Variants in F8 observed in about 807,000 individuals in gnomAD.
F8 encodes the protein coagulation factor VIII, also known as antihemophilic factor.
A neutral mutation model predicts 140.6 loss-of-function variants in F8; 12 were observed. The observed-to-expected ratio is 0.09, with a 90% CI of 0.05 to 0.14. The LOEUF (loss-of-function observed/expected upper bound fraction) is 0.14. Ranked by LOEUF, F8 falls within the 10% of genes least tolerant of loss-of-function variation. The pLI is 1.00. For synonymous variants in F8, 585 were observed against 614.6 expected (o/e 0.95, Z 0.71); for missense variants, 1,354 against 1,720.7 (o/e 0.79, Z 3.77).
At chrX:154,892,683 G>T (rs2072951937) in intron 22 of F8, among the ~76,000 whole-genome samples, 1 of 112,020 alleles carries the variant, frequency 8.9e-6, no homozygotes, top group Non-Finnish European at 1.9e-5. Context: ...TGGAAATTAG[G>T]ATAATTTGTG....
chrX:154,949,819 G>A (rs2073327433), intron 12 of F8, among the ~76,000 whole-genome samples: 1 of 108,606 alleles, frequency 9.2e-6, no homozygotes, highest in Non-Finnish European at 1.9e-5. Context: ...CCAGTCTGGA[G>A]TGCAGTGGCG....
chrX:154,851,875 T>G (rs782002762), intron 25 of F8, among the ~76,000 whole-genome samples: 1 of 111,829 alleles, frequency 8.9e-6, no homozygotes, highest in South Asian at 3.7e-4. Flanking sequence ...ACTTTCTTGA[T>G]AGTGTTCTTT....
At chrX:154,918,858 T>C (rs1285587249) in intron 14 of F8, 4 of 106,216 alleles carry the variant, frequency 3.8e-5, no homozygotes, top group African/African-American at 1.4e-4. Flanking sequence ...CAGGATATTT[T>C]TGGCCTCAGG....
chrX:154,850,608 T>C (rs1221778707), intron 25 of F8, among the ~76,000 whole-genome samples: 1 of 109,250 alleles, frequency 9.2e-6, no homozygotes, highest in Non-Finnish European at 1.9e-5. Flanking sequence ...TGGCTAAGGG[T>C]TGGTTTCTTG....
In F8 at chrX:154,837,768, T is replaced by C. The variant is rs1557271070; in HGVS notation, c.6901-16A>G. 4.1e-6 allele frequency: 5 copies of C among 1,206,777 alleles called. No individual in the cohort carries two copies. Among genetic ancestry groups the C allele is most frequent in the Non-Finnish European group, 4.5e-6 (4 of 890,974 alleles). On this transcript the variant is annotated splice_polypyrimidine_tract_variant and intron_variant, in intron 25 of 25. Coordinates refer to ENST00000360256, the MANE Select transcript of F8 (RefSeq NM_000132.4). ...CCTGAAAAACCTGAAAGAGGAAAGA[T>C]AGCATTTATTGGTTGTCTGACAGGA...
Position 154,837,459 on chromosome X carries a change from T to G in F8, c.*138A>C. ...CCCCACCAAAGAAATGCAGGACTGA[T>G]GATAGTTAATTCAGGAGGCTTCAAG... On this transcript the variant is annotated 3_prime_UTR_variant, in exon 26 of 26. Coordinates refer to ENST00000360256, the MANE Select transcript of F8 (RefSeq NM_000132.4). 1.5e-6 allele frequency: 1 copy of G among 688,173 alleles called. No individual in the cohort carries two copies. The highest frequency in any genetic ancestry group is 2.2e-6 in the Non-Finnish European group (1 of 453,463). 56.7% of individuals were successfully genotyped at this position (688,173 alleles called of 1,213,427 possible). A position where few individuals can be genotyped will look rare whatever the true frequency, so the allele number is the denominator to read the frequency against.
At chrX:154,852,782 G>T (rs1260864312) in intron 25 of F8, among the ~76,000 whole-genome samples, 2 of 111,324 alleles carry the variant, frequency 1.8e-5, no homozygotes, top group Non-Finnish European at 3.8e-5. Context: ...TTTGAGGCCG[G>T]AGAATCGCTT....
intron 6 of F8, among the ~76,000 whole-genome samples, chrX:154,977,790 T>C (rs181369890): frequency 5.5e-4 from 61 of 110,884 alleles, no homozygotes; most frequent in Admixed American, 5.2e-3. Flanking sequence ...TTTATCTAGA[T>C]GTCTAAATCT....
Position 154,929,553 on chromosome X carries a change from A to T in F8, c.4237T>A (p.Ser1413Thr). The change falls in exon 14 of 26, where the codon TCA (serine) becomes ACA (threonine). Residue 1413 changes from serine to threonine, a missense_variant. By Grantham distance (58) the Ser-to-Thr change is moderately conservative (BLOSUM62 1). Around this residue, in one of 4 missense-constraint regions of F8, gnomAD observed 658 missense variants for 666.5 expected, o/e 0.99. Coordinates refer to ENST00000360256, the MANE Select transcript of F8 (RefSeq NM_000132.4). ...NRSPLPIAKV[S>T]SFPSIRPIYL... The stretch of plus-strand genomic sequence containing the variant: ...ATAGGTCTAATAGATGGAAATGATG[A>T]TACCTTTGCAATGGGTAATGGAGAT... 1 of 1,210,866 alleles carries T rather than the reference A, an allele frequency of 8.3e-7. No homozygotes were observed. Among genetic ancestry groups the T allele is most frequent in the African/African-American group, 1.7e-5 (1 of 57,734 alleles).
At chrX:154,906,270 A>G (rs2073037638) in intron 15 of F8, 150 bp downstream of exon 15, 1 of 483,497 alleles carries the variant, frequency 2.1e-6, no homozygotes, top group Non-Finnish European at 3.2e-6. Context: ...AAGGAGAAAA[A>G]TACATAGGAA....
chrX:154,858,214 T>C (rs1488915750), intron 25 of F8, among the ~76,000 whole-genome samples: 2 of 112,290 alleles, frequency 1.8e-5, no homozygotes, highest in Non-Finnish European at 3.8e-5. Flanking sequence ...TGTCACTGCC[T>C]GATGGGCTCA....
chrX:154,874,572 T>C (rs1250287240), intron 22 of F8, among the ~76,000 whole-genome samples: 2 of 112,290 alleles, frequency 1.8e-5, no homozygotes, highest in Non-Finnish European at 3.8e-5. Flanking sequence ...GGAGTCCTCA[T>C]AACCTAAACA....
chrX:155,017,657 T>G (rs1336474307), intron 1 of F8, among the ~76,000 whole-genome samples: 1 of 111,551 alleles, frequency 9.0e-6, no homozygotes, highest in Non-Finnish European at 1.9e-5. Flanking sequence ...ATTTGTCAAT[T>G]ATACCACAAT....
rs2072880379 is a variant in F8 at position 154,885,491 on chromosome X, T to TC, written c.6429+10585dup. 3.0e-5 allele frequency: 9 copies of TC among 298,222 alleles called. 1 individual carries two copies. Among genetic ancestry groups the TC allele is most frequent in the Non-Finnish European group, 4.8e-5 (9 of 185,654 alleles). The allele number at this position is 298,222 out of a possible 1,213,427, so 24.6% of individuals were successfully genotyped here. ...CCTGAACCCCCGGCCTTAAACACCC[T>TC]CCCCCCACAACCCAGGCCCCAAAGT... On this transcript the variant is annotated intron_variant, in intron 22 of 25. Transcript: ENST00000360256.
At chrX:154,919,382 T>C (rs1557277373) in intron 14 of F8, among the ~76,000 whole-genome samples, 3 of 112,270 alleles carry the variant, frequency 2.7e-5, no homozygotes, top group Non-Finnish European at 5.6e-5. Context: ...TTTATGCTTG[T>C]CTGAAAATGT....
chrX:155,009,856 A>G (rs1557286421), intron 1 of F8, among the ~76,000 whole-genome samples: 1 of 112,224 alleles, frequency 8.9e-6, no homozygotes, highest in African/African-American at 3.2e-5. Context: ...GATCAAGAGC[A>G]CACAGAAACA....
At chrX:154,986,077 G>C (rs1301703399) in intron 5 of F8, among the ~76,000 whole-genome samples, 2 of 112,113 alleles carry the variant, frequency 1.8e-5, no homozygotes, top group African/African-American at 3.2e-5. Flanking sequence ...AAGTAAGTCA[G>C]ACTTAAAGAA....
Position 155,022,710 on chromosome X carries a change from G to T in F8, c.-158C>A. The T allele has an allele frequency of 9.0e-7, 1 of 1,116,335 alleles. No individual in the cohort carries two copies. The highest frequency in any genetic ancestry group is 2.8e-5 in the Admixed American group (1 of 35,098). 92.0% of individuals were successfully genotyped at this position (1,116,335 alleles called of 1,213,427 possible). On this transcript the variant is annotated 5_prime_UTR_variant, in exon 1 of 26. Transcript: ENST00000360256. ...TTAAGGAACTTTACCCACTGGATGT[G>T]CTCAGCACTAAGCAGTAACCGATAG...
Position 154,836,395 on chromosome X carries a change from ATGGG to A in F8, c.*1198_*1201del, listed in dbSNP as rs1557270882. The A allele has an allele frequency of 9.0e-6, 1 of 111,085 alleles. No individual in the cohort carries two copies. Among genetic ancestry groups the A allele is most frequent in the Non-Finnish European group, 1.9e-5 (1 of 53,013 alleles). 9.2% of individuals were successfully genotyped at this position (111,085 alleles called of 1,213,427 possible). A position where few individuals can be genotyped will look rare whatever the true frequency, so the allele number is the denominator to read the frequency against. On this transcript the variant is annotated 3_prime_UTR_variant, in exon 26 of 26. Coordinates refer to ENST00000360256, the MANE Select transcript of F8 (RefSeq NM_000132.4). ...GGAGCAGTAAACCCTTCACAATCTT[ATGGG>A]GGTGGAGGGCAAGAAGGGGGATCCT...
Sources: gnomAD v4.1 joint callset for allele counts (sites outside exome capture counted in the v4.1 genomes callset) on GRCh38, gnomAD v4.1.1 for gene constraint, gnomAD v4.1.1 regional missense constraint, MANE v1.5 for transcripts, NCBI Gene and HGNC (gene_info 2026-07-23, HGNC 2026-07-21) for gene names.